KCNK9: variants seen among roughly 807,000 people sequenced by gnomAD.
KCNK9 encodes the protein potassium channel subfamily K member 9.
A neutral mutation model predicts 10.8 loss-of-function variants in KCNK9; 1 was observed. The observed-to-expected ratio is 0.09, with a 90% CI of 0.03 to 0.44. KCNK9 has a LOEUF of 0.44. KCNK9 is among the 20% of genes least tolerant of loss of function. KCNK9 has a pLI of 0.97. For synonymous variants in KCNK9, 231 were observed against 222.7 expected (o/e 1.04, Z -0.33); for missense variants, 303 against 515.0 (o/e 0.59, Z 3.98).
intron 1 of KCNK9, among the ~76,000 whole-genome samples, chr8:139,632,756 G>A (rs1563725698): frequency 2.6e-5 from 4 of 152,210 alleles, no homozygotes; most frequent in Non-Finnish European, 5.9e-5. Flanking sequence ...TGGGTTCTGA[G>A]TGACCAGCTA....
chr8:139,662,974 C>T (rs1284361372), intron 1 of KCNK9, among the ~76,000 whole-genome samples: 1 of 152,002 alleles, frequency 6.6e-6, no homozygotes, highest in Non-Finnish European at 1.5e-5. Context: ...GGGAGCACCC[C>T]TGCCTTCACC....
At chr8:139,638,592 C>T (rs565790226) in intron 1 of KCNK9, among the ~76,000 whole-genome samples, 28 of 152,328 alleles carry the variant, frequency 1.8e-4, no homozygotes, top group African/African-American at 5.8e-4. Flanking sequence ...CAGGGAGCTT[C>T]GCTGGGTCCC....
At chr8:139,629,614 G>T (rs1815097172) in intron 1 of KCNK9, among the ~76,000 whole-genome samples, 1 of 152,142 alleles carries the variant, frequency 6.6e-6, no homozygotes, top group African/African-American at 2.4e-5. Context: ...CCACAGCCCT[G>T]GGAAGCGTCA....
intron 1 of KCNK9, among the ~76,000 whole-genome samples, chr8:139,675,715 C>G (rs549151907): frequency 1.9e-4 from 29 of 151,902 alleles, no homozygotes; most frequent in African/African-American, 7.0e-4. Context: ...CAAGCTGACC[C>G]CCCGCCTAGA....
chr8:139,675,388 T>G (rs1277016871), intron 1 of KCNK9, among the ~76,000 whole-genome samples: 1 of 152,176 alleles, frequency 6.6e-6, no homozygotes, highest in Non-Finnish European at 1.5e-5. Flanking sequence ...AATCCCAATG[T>G]GACAGCATTA....
intron 1 of KCNK9, among the ~76,000 whole-genome samples, chr8:139,683,392 T>A (rs1319740747): frequency 2.0e-5 from 3 of 152,178 alleles, no homozygotes; most frequent in Non-Finnish European, 4.4e-5. Flanking sequence ...GCATTCCCCA[T>A]TTCAGCTCCA....
chr8:139,672,160 C>A (rs1221440233), intron 1 of KCNK9, among the ~76,000 whole-genome samples: 2 of 152,194 alleles, frequency 1.3e-5, no homozygotes, highest in Non-Finnish European at 2.9e-5. Context: ...CCTCGCTTAA[C>A]TCCCTGCAGC....
chr8:139,638,809 G>A (rs915547626), intron 1 of KCNK9, among the ~76,000 whole-genome samples: 5 of 152,138 alleles, frequency 3.3e-5, no homozygotes, highest in South Asian at 4.1e-4. Flanking sequence ...CAGGTTCCCC[G>A]GCCCAAACAC....
At chr8:139,625,003 TGGGG>T (rs1341097198) in intron 1 of KCNK9, among the ~76,000 whole-genome samples, 1 of 152,134 alleles carries the variant, frequency 6.6e-6, no homozygotes, top group African/African-American at 2.4e-5. Flanking sequence ...ATCTGTGAAA[TGGGG>T]CAGATGATGT....
At chr8:139,635,127 G>A (rs2129637791) in intron 1 of KCNK9, among the ~76,000 whole-genome samples, 1 of 152,350 alleles carries the variant, frequency 6.6e-6, no homozygotes, top group African/African-American at 2.4e-5. Flanking sequence ...GCCATGCATA[G>A]CTCCGCTGCC....
At chr8:139,663,682 TTA>T (rs1491495803) in intron 1 of KCNK9, among the ~76,000 whole-genome samples, 5 of 145,754 alleles carry the variant, frequency 3.4e-5, no homozygotes, top group African/African-American at 1.0e-4. Flanking sequence ...TGTGTGTGTG[TTA>T]GAGAGAGAGA....
At chr8:139,687,690 G>GTATACTACATATATATTCATATA (rs1816850523) in intron 1 of KCNK9, among the ~76,000 whole-genome samples, 1 of 138,188 alleles carries the variant, frequency 7.2e-6, no homozygotes, top group Admixed American at 7.7e-5. Context: ...ATATTCATAT[G>GTATACTACATATATATTCATATA]TATACATATA....
chr8:139,636,678 A>C (rs1815350224), intron 1 of KCNK9, among the ~76,000 whole-genome samples: 2 of 152,248 alleles, frequency 1.3e-5, no homozygotes, highest in African/African-American at 4.8e-5. Flanking sequence ...CCATCAAATC[A>C]ACTTTTTTGA....
intron 1 of KCNK9, among the ~76,000 whole-genome samples, chr8:139,636,927 C>A (rs1227949045): frequency 5.3e-5 from 8 of 152,184 alleles, no homozygotes; most frequent in Non-Finnish European, 1.2e-4. Context: ...GTCCCCAGAG[C>A]TCATTCAGTG....
intron 1 of KCNK9, among the ~76,000 whole-genome samples, chr8:139,663,905 T>G (rs1237826453): frequency 6.6e-6 from 1 of 152,084 alleles, no homozygotes; most frequent in Non-Finnish European, 1.5e-5. Context: ...CAAGCTCTTA[T>G]ACAGGAAGCG....
In KCNK9 at chr8:139,650,350, C is replaced by A. The variant is rs117047007; in HGVS notation, c.284-31251G>T. The stretch of plus-strand genomic sequence containing the variant: ...CCCTGTGAGCCTCCATCACATCTCA[C>A]CCTGAACATGCATCGACCTGGCACA... On this transcript the variant is annotated intron_variant, in intron 1 of 1. Coordinates refer to ENST00000520439, the MANE Select transcript of KCNK9 (RefSeq NM_001282534.2). 3.0e-3 allele frequency among the ~76,000 whole-genome samples: 456 copies of A among 152,328 alleles called. 2 individuals carry two copies. The highest frequency in any genetic ancestry group is 0.016 in the South Asian group (77 of 4,826).
At chr8:139,641,104 C>T (rs2129645031) in intron 1 of KCNK9, among the ~76,000 whole-genome samples, 1 of 152,324 alleles carries the variant, frequency 6.6e-6, no homozygotes, top group East Asian at 1.9e-4. Flanking sequence ...GGCAGGTTCA[C>T]TATCCTCTCC....
intron 1 of KCNK9, among the ~76,000 whole-genome samples, chr8:139,626,922 G>A (rs550975500): frequency 3.8e-4 from 58 of 152,302 alleles, no homozygotes; most frequent in Admixed American, 1.2e-3. Flanking sequence ...GGAAGCCTGC[G>A]GCAAGCATCC....
intron 1 of KCNK9, among the ~76,000 whole-genome samples, chr8:139,680,181 C>T (rs938003123): frequency 1.3e-5 from 2 of 152,202 alleles, no homozygotes; most frequent in Non-Finnish European, 2.9e-5. Flanking sequence ...CAGCCAAGCG[C>T]GGGCTTCAGG....
Sources: allele counts gnomAD v4.1 joint callset (sites outside exome capture counted in the v4.1 genomes callset), GRCh38; gene constraint gnomAD v4.1.1; transcripts MANE v1.5; gene names NCBI Gene and HGNC (gene_info 2026-07-23, HGNC 2026-07-21).